Variants in SPATS2 observed in about 807,000 individuals in gnomAD.
The protein encoded by SPATS2 is spermatogenesis associated serine rich 2, also known as spermatogenesis-associated serine-rich protein 2.
A neutral mutation model predicts 63.7 loss-of-function variants in SPATS2; 38 were observed. The ratio of observed to expected loss-of-function variants is 0.60; its 90% CI spans 0.46 to 0.78. SPATS2 has a LOEUF of 0.78. Ranked by LOEUF, SPATS2 falls within the 30% of genes least tolerant of loss-of-function variation. The pLI, the probability that SPATS2 is intolerant of heterozygous loss-of-function variation, is 0.00. For missense variants in SPATS2, 588 were observed against 666.2 expected (o/e 0.88, Z 1.29); for synonymous variants, 207 against 232.9 (o/e 0.89, Z 1.01).
chr12:49,500,115 T>C lies in SPATS2; in HGVS notation c.749T>C (p.Val250Ala). The C allele has an allele frequency of 6.2e-7, 1 of 1,606,732 alleles. No homozygotes were observed. Among genetic ancestry groups the C allele is most frequent in the African/African-American group, 1.3e-5 (1 of 74,458 alleles). ...GTAAAAGACCTCCAGCGCTGCACAG[T>C]GTCTCTTGCACGGTATCGAGTTGTA... ...KSVKDLQRCT[V>A]SLARYRVVVK... Residue 250 changes from valine (V) to alanine (A), a missense_variant, in exon 9 of 14, where the codon GTG becomes GCG. By Grantham distance (64) the Val-to-Ala change is moderately conservative (BLOSUM62 0). Coordinates refer to ENST00000552918, the MANE Select transcript of SPATS2 (RefSeq NM_023071.4).
intron 2 of SPATS2, among the ~76,000 whole-genome samples, chr12:49,394,415 C>T (rs1209102445): frequency 1.3e-5 from 2 of 151,216 alleles, no homozygotes; most frequent in Non-Finnish European, 2.9e-5. Context: ...ATTGAGATTG[C>T]ATTAAATCTA....
intron 2 of SPATS2, among the ~76,000 whole-genome samples, chr12:49,385,858 TGTTTG>T (rs749338189): frequency 2.8e-4 from 37 of 131,428 alleles, no homozygotes; most frequent in African/African-American, 4.5e-4. Context: ...TTTGTTTGTT[TGTTTG>T]TTTGTTTTTT....
At chr12:49,490,765 T>G (rs1288705587) in intron 6 of SPATS2, 34 bp downstream of exon 6, 23 of 1,593,152 alleles carry the variant, frequency 1.4e-5, no homozygotes, top group Non-Finnish European at 1.8e-5. Context: ...CATGATGATG[T>G]GTATATTATT....
intron 2 of SPATS2, among the ~76,000 whole-genome samples, chr12:49,443,769 G>A (rs1945464703): frequency 6.6e-6 from 1 of 152,114 alleles, no homozygotes; most frequent in Non-Finnish European, 1.5e-5. Context: ...TATCTCTAGT[G>A]CCTTTGTTGA....
chr12:49,479,455 G>A (rs1480054761), intron 3 of SPATS2, among the ~76,000 whole-genome samples: 1 of 152,242 alleles, frequency 6.6e-6, no homozygotes, highest in African/African-American at 2.4e-5. Context: ...GTGAGGGCAG[G>A]GAGGCCTTCC....
chr12:49,526,032 G>A lies in SPATS2; in HGVS notation c.1415G>A (p.Ser472Asn). Residue 472 changes from serine to asparagine, a missense_variant, in exon 14 of 14, where the codon AGT (serine) becomes AAT (asparagine). Coordinates refer to ENST00000552918, the MANE Select transcript of SPATS2 (RefSeq NM_023071.4). Reference protein sequence around the residue: ...NDPMNQGRHDSMGRYRNSSWY... With the variant: ...NDPMNQGRHDNMGRYRNSSWY... ...CCCATGAACCAAGGGCGGCATGACA[G>A]TATGGGTCGTTACAGAAACAGCTCG... 1.9e-6 allele frequency: 3 copies of A among 1,614,228 alleles called. No homozygotes were observed. Among genetic ancestry groups the A allele is most frequent in the Non-Finnish European group, 2.5e-6 (3 of 1,180,042 alleles).
At position 49,367,552 on chromosome 12, in the gene SPATS2, C is replaced by G. The variant is rs1943920534; in HGVS notation, c.-342C>G. On this transcript the variant is annotated 5_prime_UTR_variant, in exon 1 of 14. Coordinates refer to ENST00000552918, the MANE Select transcript of SPATS2 (RefSeq NM_023071.4). ...AGCGTCCGGGACGCGGAGCCCGGAG[C>G]TGGGGCGACGAGGCGATTGCGGGGG... 5.0e-6 allele frequency: 2 copies of G among 397,608 alleles called. No individual in the cohort carries two copies. Among genetic ancestry groups the G allele is most frequent in the South Asian group, 1.3e-4 (1 of 7,822 alleles). The allele number at this position is 397,608 out of a possible 1,614,324, so 24.6% of individuals were successfully genotyped here.
chr12:49,424,592 A>G lies in SPATS2; in HGVS notation c.-243-36178A>G, dbSNP rs1945039914. Among the ~76,000 whole-genome samples the G allele has an allele frequency of 2.0e-5, 3 of 152,278 alleles. No homozygotes were observed. The South Asian group carries it at 6.2e-4, about 32-fold the overall frequency. ...TATAGTTCTCTTATCTGTTACTATT[A>G]TATCTTATATAGTGTTTACTGTTAA... On this transcript the variant is annotated intron_variant, in intron 2 of 13. Coordinates refer to ENST00000552918, the MANE Select transcript of SPATS2 (RefSeq NM_023071.4).
At chr12:49,484,494 GT>G (rs1946255874) in intron 3 of SPATS2, 95 bp from the exon 4 acceptor site, 3 of 1,180,718 alleles carry the variant, frequency 2.5e-6, no homozygotes, top group South Asian at 1.5e-5. Flanking sequence ...GCTGTTAATT[GT>G]TTTATGGGAC....
chr12:49,459,976 C>T (rs982587755), intron 2 of SPATS2, among the ~76,000 whole-genome samples: 2 of 149,392 alleles, frequency 1.3e-5, no homozygotes, highest in South Asian at 2.1e-4. Context: ...GGTGTGGTGG[C>T]AGGCGCCTGT....
Position 49,408,062 on chromosome 12 carries a change from A to C in SPATS2, c.-244+36772A>C, listed in dbSNP as rs190484006. On this transcript the variant is annotated intron_variant, in intron 2 of 13. Transcript: ENST00000552918. The stretch of plus-strand genomic sequence containing the variant: ...TAAATGGTAGGTTACAGACTGTAAA[A>C]TGCTATATGAGTTAATATCTAAAAA... Among the ~76,000 whole-genome samples the C allele has an allele frequency of 1.6e-4, 24 of 152,328 alleles. No homozygotes were observed. The East Asian group carries it at 4.6e-3, about 29-fold the overall frequency.
chr12:49,416,433 A>G (rs905472952), intron 2 of SPATS2, among the ~76,000 whole-genome samples: 3 of 152,272 alleles, frequency 2.0e-5, no homozygotes, highest in African/African-American at 7.2e-5. Context: ...TGGACTTTGA[A>G]GTTGCCTGAG....
chr12:49,443,711 A>C (rs757550601), intron 2 of SPATS2, among the ~76,000 whole-genome samples: 2 of 152,162 alleles, frequency 1.3e-5, no homozygotes, highest in Non-Finnish European at 2.9e-5. Context: ...TTGGAAGTCC[A>C]GTTGTCCCAA....
intron 2 of SPATS2, among the ~76,000 whole-genome samples, chr12:49,384,090 C>T (rs980822747): frequency 6.6e-6 from 1 of 152,176 alleles, no homozygotes; most frequent in Non-Finnish European, 1.5e-5. Context: ...CACTGGTACA[C>T]TATTATAGAC....
chr12:49,430,110 T>C (rs1261784089), intron 2 of SPATS2, among the ~76,000 whole-genome samples: 8 of 147,256 alleles, frequency 5.4e-5, no homozygotes, highest in Admixed American at 1.3e-4. Flanking sequence ...TTTTTTTTTT[T>C]TTTTTTTTGA....
intron 2 of SPATS2, among the ~76,000 whole-genome samples, chr12:49,437,753 G>A (rs927123619): frequency 1.3e-5 from 2 of 152,180 alleles, no homozygotes; most frequent in African/African-American, 4.8e-5. Flanking sequence ...CAGGCAGGGA[G>A]GTTGCAGTGA....
intron 2 of SPATS2, among the ~76,000 whole-genome samples, chr12:49,378,077 A>T (rs1944140350): frequency 6.6e-6 from 1 of 152,096 alleles, no homozygotes; most frequent in Non-Finnish European, 1.5e-5. Flanking sequence ...GGTTCAAGCG[A>T]TTCCCCTGCC....
In SPATS2 at chr12:49,460,921, C is replaced by G. The variant is rs143253898; in HGVS notation, c.-92C>G. 513 of 1,483,462 alleles carry G rather than the reference C, an allele frequency of 3.5e-4. 1 individual carries two copies. In the African/African-American group the frequency reaches 6.2e-3, roughly 18 times the overall value. The allele number at this position is 1,483,462 out of a possible 1,614,324, so 91.9% of individuals were successfully genotyped here. A position where few individuals can be genotyped will look rare whatever the true frequency, so the allele number is the denominator to read the frequency against. On this transcript the variant is annotated 5_prime_UTR_variant, in exon 3 of 14. Transcript: ENST00000552918. ...TGCTTCCAACTGCACACTTCCGTTG[C>G]CCACTTTTAAATCAGAGATACCTAC... is the stretch of plus-strand genomic sequence containing the variant.
At chr12:49,387,938 T>C (rs1227592240) in intron 2 of SPATS2, among the ~76,000 whole-genome samples, 1 of 152,120 alleles carries the variant, frequency 6.6e-6, no homozygotes, top group Non-Finnish European at 1.5e-5. Flanking sequence ...ATTAATGCCT[T>C]TTGCTTTAAG....
Sources: allele counts gnomAD v4.1 joint callset (sites outside exome capture counted in the v4.1 genomes callset), GRCh38; gene constraint gnomAD v4.1.1; transcripts MANE v1.5; gene names NCBI Gene and HGNC (gene_info 2026-07-23, HGNC 2026-07-21).